The following KIDINS220 variants were observed in gnomAD, a reference collection of about 807,000 sequenced individuals.
KIDINS220 encodes kinase D-interacting substrate of 220 kDa.
KIDINS220 carries 63 observed loss-of-function variants against 157.6 expected under a neutral mutation model. That is an observed-to-expected ratio of 0.40 (90% CI 0.33 to 0.49). The LOEUF is 0.49. Among genes scored for constraint, KIDINS220 ranks in the 20% least tolerant of loss-of-function variants. The pLI, the probability that KIDINS220 is intolerant of heterozygous loss-of-function variation, is 0.66. For missense variants in KIDINS220, 1,772 were observed against 2,171.2 expected (o/e 0.82, Z 3.65); for synonymous variants, 732 against 783.6 (o/e 0.93, Z 1.10).
intron 11 of KIDINS220, among the ~76,000 whole-genome samples, chr2:8,795,088 A>T (rs1013764573): frequency 1.3e-5 from 2 of 152,248 alleles, no homozygotes; most frequent in Non-Finnish European, 2.9e-5. Flanking sequence ...ATAAGAGTCC[A>T]TTTTGACTTC....
chr2:8,761,107 A>C (rs1281267211), intron 22 of KIDINS220, among the ~76,000 whole-genome samples: 2 of 152,210 alleles, frequency 1.3e-5, no homozygotes, highest in Admixed American at 1.3e-4. Context: ...AGTACATGAG[A>C]TCAAATTTTC....
intron 1 of KIDINS220, among the ~76,000 whole-genome samples, chr2:8,829,601 T>C (rs1679316068): frequency 6.6e-6 from 1 of 152,090 alleles, no homozygotes; most frequent in South Asian, 2.1e-4. Flanking sequence ...AAAAATGTGT[T>C]ACAGAAAAAT....
intron 9 of KIDINS220, 103 bp downstream of exon 9, chr2:8,800,297 C>T: frequency 1.5e-6 from 1 of 655,420 alleles, no homozygotes; most frequent in Non-Finnish European, 2.5e-6. Context: ...CTAGGGTTTA[C>T]AAGTTTATCT....
At position 8,830,241 on chromosome 2, in the gene KIDINS220, T is replaced by A. The variant is rs187480225; in HGVS notation, c.-36-3112A>T. Among the ~76,000 whole-genome samples, 382 of 152,334 alleles carry A rather than the reference T, an allele frequency of 2.5e-3. No individual in the cohort carries two copies. The Middle Eastern group carries it at 0.027, about 11-fold the overall frequency. On this transcript the variant is annotated intron_variant, in intron 1 of 29. Coordinates refer to ENST00000256707, the MANE Select transcript of KIDINS220 (RefSeq NM_020738.4). ...CTAGCTTAAGCAAAACAGAAAAATG[T>A]ATTTGAAGGATAATGGTTTATTTCC...
Position 8,762,718 on chromosome 2 carries a change from G to A in KIDINS220, c.3011+7952C>T, listed in dbSNP as rs1368797301. Among the ~76,000 whole-genome samples, 5 of 151,958 alleles carry A rather than the reference G, an allele frequency of 3.3e-5. No individual in the cohort carries two copies. In the East Asian group the frequency reaches 5.8e-4, roughly 18 times the overall value. ...CGCGCCACTGCACTCCAGGCTGGGC[G>A]ACAGAGCGAGACCCCATCTCAAAGA... On this transcript the variant is annotated intron_variant, in intron 22 of 29. Transcript: ENST00000256707.
intron 12 of KIDINS220, among the ~76,000 whole-genome samples, chr2:8,792,157 C>G (rs1673279794): frequency 6.6e-6 from 1 of 151,888 alleles, no homozygotes; most frequent in Non-Finnish European, 1.5e-5. Flanking sequence ...CATAGAAGTA[C>G]TAGAAGGAAA....
intron 1 of KIDINS220, among the ~76,000 whole-genome samples, chr2:8,832,217 T>C (rs1370446694): frequency 6.6e-6 from 1 of 152,184 alleles, no homozygotes; most frequent in African/African-American, 2.4e-5. Context: ...TTCTCCTTCA[T>C]TGCAGGGAGT....
At chr2:8,789,697 C>T (rs879665656) in intron 14 of KIDINS220, among the ~76,000 whole-genome samples, 183 bp downstream of exon 14, 8 of 152,186 alleles carry the variant, frequency 5.3e-5, no homozygotes, top group Non-Finnish European at 8.8e-5. Context: ...TAAGCTACTT[C>T]AGCCAAGTTG....
intron 2 of KIDINS220, among the ~76,000 whole-genome samples, chr2:8,825,249 T>C (rs1386885385): frequency 6.6e-6 from 1 of 151,716 alleles, no homozygotes; most frequent in Non-Finnish European, 1.5e-5. Flanking sequence ...GGCGCACGAC[T>C]GTAGTCCAAG....
chr2:8,770,866 T>C (rs764013767), intron 21 of KIDINS220, 34 bp from the exon 22 acceptor site: 2 of 1,368,154 alleles, frequency 1.5e-6, no homozygotes, highest in Non-Finnish European at 2.0e-6. Flanking sequence ...TAAAAATTAA[T>C]AGATGTGTGA....
rs758256024 is a variant in KIDINS220, at chr2:8,731,527, G to A, written c.4509C>T (p.Phe1503=). ...TTCCCTTAAGCTTCAAATCTGTCTG[G>A]AAGAGGCTTGACCTTTCGGAAGATT... ...GKKSSERSSL[F]QTDLKLKGSG... The change falls in exon 30 of 30, where the codon TTC becomes TTT. Residue 1503 remains phenylalanine, a synonymous_variant. Transcript: ENST00000256707. This position sits in a 1 kb window ranked among gnomAD's most constrained non-coding sequence, Gnocchi z 5.2. The A allele has an allele frequency of 1.9e-6, 3 of 1,614,188 alleles. No homozygotes were observed. The highest frequency in any genetic ancestry group is 2.5e-6 in the Non-Finnish European group (3 of 1,180,042).
At chr2:8,802,047 CA>C (rs1334701880) in intron 8 of KIDINS220, among the ~76,000 whole-genome samples, 2 of 152,110 alleles carry the variant, frequency 1.3e-5, no homozygotes, top group African/African-American at 4.8e-5. Flanking sequence ...GCAAAGGCCC[CA>C]CAGCAGGAAC....
chr2:8,772,319 T>G (rs908381632), intron 21 of KIDINS220, among the ~76,000 whole-genome samples: 2 of 151,592 alleles, frequency 1.3e-5, no homozygotes, highest in African/African-American at 4.8e-5. Context: ...CTACTGAAAA[T>G]ATAAAAATTA....
In KIDINS220 at chr2:8,733,652, T is replaced by C. The variant is rs745429677; in HGVS notation, c.3845A>G (p.His1282Arg). ...TVLEMRNAES[H>R]VVPEDPRFLS... ...GAAACGTGGGTCTTCAGGGACCACG[T>C]GGCTTTCTGCGTTTCTCATTTCTAG... The change falls in exon 29 of 30, where the codon CAC becomes CGC. Residue 1282 changes from histidine (H) to arginine (R), a missense_variant. Coordinates refer to ENST00000256707, the MANE Select transcript of KIDINS220 (RefSeq NM_020738.4). 1 of 1,589,842 alleles carries C rather than the reference T, an allele frequency of 6.3e-7. No homozygotes were observed. The highest frequency in any genetic ancestry group is 8.6e-7 in the Non-Finnish European group (1 of 1,164,964).
chr2:8,815,193 G>A (rs1178600861), intron 4 of KIDINS220, among the ~76,000 whole-genome samples: 2 of 152,074 alleles, frequency 1.3e-5, no homozygotes, highest in East Asian at 1.9e-4. Flanking sequence ...TTGAGCTCAG[G>A]AGTTCAAGAC....
chr2:8,803,944 T>C (rs1675078232), intron 7 of KIDINS220, among the ~76,000 whole-genome samples: 1 of 152,238 alleles, frequency 6.6e-6, no homozygotes, highest in South Asian at 2.1e-4. Flanking sequence ...CAAGCTGTCA[T>C]ACAATTTCCC....
intron 4 of KIDINS220, 50 bp downstream of exon 4, chr2:8,817,568 G>A: frequency 9.9e-7 from 1 of 1,013,594 alleles, no homozygotes; most frequent in East Asian, 2.5e-5. Flanking sequence ...ACATATCTAT[G>A]ATTATAAATA....
intron 20 of KIDINS220, among the ~76,000 whole-genome samples, chr2:8,777,715 A>G (rs182019475): frequency 1.3e-5 from 2 of 152,302 alleles, no homozygotes; most frequent in African/African-American, 4.8e-5. Flanking sequence ...AAGGAATTCC[A>G]TCTCATAAAA....
Position 8,729,952 on chromosome 2 carries a change from G to A in KIDINS220, c.*768C>T. 1.0e-6 allele frequency: 1 copy of A among 985,334 alleles called. No individual in the cohort carries two copies. Among genetic ancestry groups the A allele is most frequent in the Non-Finnish European group, 1.2e-6 (1 of 829,924 alleles). 61.0% of individuals were successfully genotyped at this position (985,334 alleles called of 1,614,324 possible). A position where few individuals can be genotyped will look rare whatever the true frequency, so the allele number is the denominator to read the frequency against. On this transcript the variant is annotated 3_prime_UTR_variant, in exon 30 of 30. Coordinates refer to ENST00000256707, the MANE Select transcript of KIDINS220 (RefSeq NM_020738.4). ...TTGGGCACCATTTAAAAGAGTTGGA[G>A]AACAGACCAGGGTGGCTTCTTGGGC...
Sources: allele counts gnomAD v4.1 joint callset (sites outside exome capture counted in the v4.1 genomes callset), GRCh38; gene constraint gnomAD v4.1.1; non-coding constraint Gnocchi (gnomAD v3.1); transcripts MANE v1.5; gene names NCBI Gene and HGNC (gene_info 2026-07-23, HGNC 2026-07-21).